RAP1B: variants seen among roughly 807,000 people sequenced by gnomAD.
The protein encoded by RAP1B is ras-related protein Rap-1b.
A neutral mutation model predicts 27.5 loss-of-function variants in RAP1B; 1 was observed. The observed-to-expected ratio is 0.04, with a 90% CI of 0.01 to 0.17. RAP1B has a LOEUF of 0.17. Among genes scored for constraint, RAP1B ranks in the 10% least tolerant of loss-of-function variants. RAP1B has a pLI of 1.00. For synonymous variants in RAP1B, 75 were observed against 73.1 expected (o/e 1.03, Z -0.13); for missense variants, 84 against 214.8 (o/e 0.39, Z 3.81).
chr12:68,636,877 C>T (rs1565665210), intron 1 of RAP1B, among the ~76,000 whole-genome samples: 1 of 151,574 alleles, frequency 6.6e-6, no homozygotes, highest in Non-Finnish European at 1.5e-5. Flanking sequence ...TCATCTCGAA[C>T]TCCTGACCTC....
chr12:68,653,388 C>G (rs1428576252), intron 4 of RAP1B, among the ~76,000 whole-genome samples: 1 of 152,048 alleles, frequency 6.6e-6, no homozygotes, highest in Non-Finnish European at 1.5e-5. Flanking sequence ...CAAATGCTCA[C>G]AGTCTAGCAA....
chr12:68,629,023 C>T (rs1352162762), intron 1 of RAP1B, among the ~76,000 whole-genome samples: 1 of 151,960 alleles, frequency 6.6e-6, no homozygotes, highest in East Asian at 1.9e-4. Context: ...ATCTGTCTGT[C>T]TGTCTGTCTC....
rs998188369 is a variant in RAP1B, at chr12:68,659,143, C to G, written c.*31-137C>G. ...TCTGCCGTGAATTGTGGTATGTTGC[C>G]ACTAATGTAATGCCTAGAACAAGAG... On this transcript the variant is annotated intron_variant, in intron 7 of 7. Transcript: ENST00000250559. The G allele has an allele frequency of 5.2e-4, 196 of 380,444 alleles. 2 individuals are homozygous for G. The highest frequency in any genetic ancestry group is 3.2e-4 in the Non-Finnish European group (62 of 193,248). The allele number at this position is 380,444 out of a possible 1,614,324, so 23.6% of individuals were successfully genotyped here.
chr12:68,650,236 A>T, intron 2 of RAP1B, 164 bp from the exon 3 acceptor site: 1 of 513,598 alleles, frequency 1.9e-6, no homozygotes, highest in South Asian at 4.4e-5. Context: ...CAGCTTCCTG[A>T]GGTAATTTTC....
At chr12:68,633,265 C>T (rs953691683) in intron 1 of RAP1B, among the ~76,000 whole-genome samples, 47 of 152,108 alleles carry the variant, frequency 3.1e-4, no homozygotes, top group Non-Finnish European at 6.0e-4. Flanking sequence ...ATACTCATCC[C>T]GTTCCCCAGA....
At chr12:68,656,773 G>T (rs1874237717) in intron 6 of RAP1B, 1 of 525,240 alleles carries the variant, frequency 1.9e-6, no homozygotes, top group Non-Finnish European at 3.3e-6. Context: ...AGTATGCATG[G>T]TTCTTGAAAG....
intron 1 of RAP1B, among the ~76,000 whole-genome samples, chr12:68,628,487 T>C (rs1441932365): frequency 6.6e-6 from 1 of 152,240 alleles, no homozygotes; most frequent in Admixed American, 6.5e-5. Flanking sequence ...TAAATGTGAT[T>C]TGTATAACTT....
chr12:68,652,449 T>C (rs1418808217), intron 4 of RAP1B, among the ~76,000 whole-genome samples: 1 of 151,776 alleles, frequency 6.6e-6, no homozygotes, highest in East Asian at 1.9e-4. Context: ...AGCGAGACTC[T>C]GTGTCAAAAA....
At chr12:68,617,231 C>T (rs954809836) in intron 1 of RAP1B, among the ~76,000 whole-genome samples, 3 of 152,092 alleles carry the variant, frequency 2.0e-5, no homozygotes, top group African/African-American at 4.8e-5. Flanking sequence ...TTTTTATGCG[C>T]CAAAAGGTAT....
At chr12:68,636,714 C>G (rs1000296038) in intron 1 of RAP1B, among the ~76,000 whole-genome samples, 5 of 147,486 alleles carry the variant, frequency 3.4e-5, no homozygotes, top group Non-Finnish European at 7.5e-5. Context: ...GCCACCATGC[C>G]TATCCCTGCT....
intron 1 of RAP1B, among the ~76,000 whole-genome samples, chr12:68,616,506 GTGCAATCTCAGCTCAC>G (rs1871026625): frequency 6.8e-6 from 1 of 146,868 alleles, no homozygotes; most frequent in Non-Finnish European, 1.5e-5. Flanking sequence ...GAGTGCAGTG[GTGCAATCTCAGCTCAC>G]TGCAACCTCC....
At chr12:68,611,260 G>A (rs1488856756) in intron 1 of RAP1B, among the ~76,000 whole-genome samples, 3 of 149,392 alleles carry the variant, frequency 2.0e-5, no homozygotes, top group Non-Finnish European at 4.5e-5. Context: ...GCGAGGAGGA[G>A]CAGCCGCCGC....
chr12:68,649,573 C>G (rs1008566424), intron 2 of RAP1B: 3 of 152,016 alleles, frequency 2.0e-5, no homozygotes, highest in Admixed American at 1.3e-4. Context: ...CAGAGCTTAG[C>G]AAAGCCTCAC....
intron 1 of RAP1B, among the ~76,000 whole-genome samples, chr12:68,645,813 G>A (rs1565669600): frequency 1.3e-5 from 2 of 152,340 alleles, no homozygotes; most frequent in East Asian, 3.9e-4. Flanking sequence ...TTCAAATCTT[G>A]ACTATTGTAC....
At chr12:68,631,255 T>A (rs867121988) in intron 1 of RAP1B, among the ~76,000 whole-genome samples, 18 of 152,316 alleles carry the variant, frequency 1.2e-4, no homozygotes, top group South Asian at 6.2e-4. Context: ...TTCTTAACTA[T>A]CCTTATGTCA....
chr12:68,611,396 C>T (rs2135901072), intron 1 of RAP1B, among the ~76,000 whole-genome samples: 1 of 147,970 alleles, frequency 6.8e-6, no homozygotes, highest in East Asian at 2.0e-4. Context: ...CAGCTTCTCC[C>T]GCCGCCCTCC....
chr12:68,617,048 CT>C (rs1037805521), intron 1 of RAP1B, among the ~76,000 whole-genome samples: 2 of 152,188 alleles, frequency 1.3e-5, no homozygotes, highest in African/African-American at 4.8e-5. Context: ...ATGGAAAATG[CT>C]GGGTAAAATG....
At chr12:68,643,876 AAAAT>A (rs1234936155) in intron 1 of RAP1B, among the ~76,000 whole-genome samples, 1 of 152,124 alleles carries the variant, frequency 6.6e-6, no homozygotes, top group African/African-American at 2.4e-5. Context: ...GTCAGGAAAA[AAAAT>A]AAGCAAAAGG....
intron 2 of RAP1B, 117 bp from the exon 3 acceptor site, chr12:68,650,283 T>C: frequency 2.2e-6 from 2 of 928,060 alleles, no homozygotes; most frequent in Non-Finnish European, 3.0e-6. Flanking sequence ...GTATTGGCTG[T>C]GGTTTTTTTT....
Sources: allele counts gnomAD v4.1 joint callset (sites outside exome capture counted in the v4.1 genomes callset), GRCh38; gene constraint gnomAD v4.1.1; transcripts MANE v1.5; gene names NCBI Gene and HGNC (gene_info 2026-07-23, HGNC 2026-07-21).